The following STMN3 variants were observed in gnomAD, a reference collection of about 807,000 sequenced individuals.
The protein encoded by STMN3 is stathmin-3.
Under a neutral mutation model 23.2 loss-of-function variants are expected in STMN3, and 24 were observed. That is an observed-to-expected ratio of 1.03 (90% CI 0.75 to 1.45). STMN3 has a LOEUF of 1.45. Ranked by LOEUF, STMN3 falls within the 40% of genes most tolerant of loss-of-function variation. STMN3 has a pLI of 0.00. For missense variants in STMN3, 235 were observed against 237.6 expected (o/e 0.99, Z 0.07); for synonymous variants, 117 against 103.4 (o/e 1.13, Z -0.80).
intron 4 of STMN3, 60 bp from the exon 5 acceptor site, chr20:63,641,457 C>G: frequency 7.0e-7 from 1 of 1,433,670 alleles, no homozygotes; most frequent in Non-Finnish European, 9.5e-7. Context: ...ACTCCGGGAA[C>G]CCCCAGGCGC....
Position 63,644,202 on chromosome 20 carries a change from C to A in STMN3, c.115+12G>T. On this transcript the variant is annotated intron_variant, in intron 2 of 4. Coordinates refer to ENST00000370053, the MANE Select transcript of STMN3 (RefSeq NM_015894.4). ...CACCGCAGGGAAGGGCAGGCGGCAG[C>A]CAGGCACTCACCCCCGTACTGGTAG... 6.2e-7 allele frequency: 1 copy of A among 1,611,136 alleles called. No homozygotes were observed. The highest frequency in any genetic ancestry group is 8.5e-7 in the Non-Finnish European group (1 of 1,178,082).
intron 1 of STMN3, among the ~76,000 whole-genome samples, chr20:63,644,619 C>T (rs572369394): frequency 5.1e-4 from 77 of 152,194 alleles, no homozygotes; most frequent in Non-Finnish European, 9.6e-4. Flanking sequence ...CCATCCTTCT[C>T]CTGCCTGCTG....
At position 63,641,335 on chromosome 20, in the gene STMN3, C is replaced by A; in HGVS notation, c.*3G>T. The A allele has an allele frequency of 2.6e-6, 4 of 1,563,200 alleles. No individual in the cohort carries two copies. Among genetic ancestry groups the A allele is most frequent in the Non-Finnish European group, 3.5e-6 (4 of 1,154,676 alleles). On this transcript the variant is annotated 3_prime_UTR_variant, in exon 5 of 5. Coordinates refer to ENST00000370053, the MANE Select transcript of STMN3 (RefSeq NM_015894.4). Reference sequence around the variant, plus strand: ...CAGGATGGGCGCCGCCCGTCCCGGGCCCTTAGCCCGACATCTCTTCTCGCT... The same window carrying A: ...CAGGATGGGCGCCGCCCGTCCCGGGACCTTAGCCCGACATCTCTTCTCGCT...
At chr20:63,642,074 C>A (rs1202719217) in intron 4 of STMN3, 34 bp downstream of exon 4, 1 of 1,343,806 alleles carries the variant, frequency 7.4e-7, no homozygotes, top group African/African-American at 1.7e-5. Flanking sequence ...GGCCCCTGCC[C>A]GCTCCGAGCT....
intron 1 of STMN3, among the ~76,000 whole-genome samples, chr20:63,647,846 A>G (rs1195432229): frequency 7.9e-6 from 1 of 126,350 alleles, no homozygotes; most frequent in East Asian, 2.1e-4. Flanking sequence ...ATATGTATAT[A>G]TTAATATATA....
intron 4 of STMN3, among the ~76,000 whole-genome samples, 185 bp downstream of exon 4, chr20:63,641,923 G>A (rs1399709681): frequency 7.4e-4 from 65 of 87,652 alleles, no homozygotes; most frequent in South Asian, 7.2e-4. Context: ...TCCGAGCTCC[G>A]CCCCGGCCCC....
In STMN3 at chr20:63,640,801, G is replaced by C; in HGVS notation, c.*537C>G. ...TGCAACCACATTAAGGAAAGCTGCA[G>C]CCCCCACCCACCCGCCTGCCAGTTC... On this transcript the variant is annotated 3_prime_UTR_variant, in exon 5 of 5. Transcript: ENST00000370053. 1 of 213,420 alleles carries C rather than the reference G, an allele frequency of 4.7e-6. No homozygotes were observed. The highest frequency in any genetic ancestry group is 9.7e-6 in the Non-Finnish European group (1 of 103,500). 13.2% of individuals were successfully genotyped at this position (213,420 alleles called of 1,614,324 possible). A position where few individuals can be genotyped will look rare whatever the true frequency, so the allele number is the denominator to read the frequency against.
In STMN3 at chr20:63,653,331, A is replaced by T. The variant is rs1015465646; in HGVS notation, c.15T>A (p.Ile5=). 5.2e-6 allele frequency: 8 copies of T among 1,545,230 alleles called. No homozygotes were observed. The African/African-American group carries it at 1.1e-4, about 21-fold the overall frequency. Residue 5 remains isoleucine (I), a synonymous_variant, in exon 1 of 5, where the codon ATT becomes ATA. Transcript: ENST00000370053. Reference sequence around the variant, plus strand: ...GCCCGTGGCCCCGGAGCCTACCGGAAATGGTGCTGGCCATGGTGCTGGCGG... The same window carrying T: ...GCCCGTGGCCCCGGAGCCTACCGGATATGGTGCTGGCCATGGTGCTGGCGG... The part of the protein sequence containing the change: MAST[I]SAYKEKMKEL...
intron 1 of STMN3, among the ~76,000 whole-genome samples, chr20:63,647,684 C>CATGTATATATATAATATATATAT (rs1374989065): frequency 1.1e-5 from 1 of 88,964 alleles, no homozygotes; most frequent in Non-Finnish European, 2.6e-5. Flanking sequence ...CGTATATATA[C>CATGTATATATATAATATATATAT]ACGTGTATAT....
intron 1 of STMN3, among the ~76,000 whole-genome samples, chr20:63,646,169 T>G (rs1383312765): frequency 1.3e-5 from 2 of 151,138 alleles, no homozygotes; most frequent in Non-Finnish European, 2.9e-5. Context: ...CCCAAGAGGG[T>G]GTAAGGAGGA....
Position 63,644,251 on chromosome 20 carries a change from G to A in STMN3, c.78C>T (p.Tyr26=). 6.2e-7 allele frequency: 1 copy of A among 1,613,734 alleles called. No individual in the cohort carries two copies. The highest frequency in any genetic ancestry group is 8.5e-7 in the Non-Finnish European group (1 of 1,179,848). ...AGACGGTATTGGGGTGCGGCTGTGT[G>A]TAGAAGCAGGAGCAGATGAGCGACA... ...SVLSLICSCF[Y]TQPHPNTVYQ... The change falls in exon 2 of 5, where the codon TAC becomes TAT. Residue 26 remains tyrosine (Y), a synonymous_variant. Coordinates refer to ENST00000370053, the MANE Select transcript of STMN3 (RefSeq NM_015894.4).
intron 3 of STMN3, among the ~76,000 whole-genome samples, chr20:63,642,912 C>A (rs2089780374): frequency 6.6e-6 from 1 of 152,168 alleles, no homozygotes; most frequent in Non-Finnish European, 1.5e-5. Flanking sequence ...GGAACGGAGC[C>A]GCTTCCCCTG....
chr20:63,651,634 C>G (rs1251496487), intron 1 of STMN3, among the ~76,000 whole-genome samples: 2 of 152,242 alleles, frequency 1.3e-5, no homozygotes, highest in East Asian at 1.9e-4. Context: ...GAGCACTCAT[C>G]TCTTAGCAGG....
Position 63,641,382 on chromosome 20 carries a change from C to T in STMN3, c.499G>A (p.Glu167Lys). The T allele has an allele frequency of 6.4e-7, 1 of 1,566,994 alleles. No homozygotes were observed. Among genetic ancestry groups the T allele is most frequent in the African/African-American group, 1.4e-5 (1 of 73,952 alleles). ...CGCTGCTCCTTGTTCCTGCGCACCT[C>T]GGCCGCGTGCAGCTCCTGCAGGACA... is the stretch of plus-strand genomic sequence containing the variant. Reference protein sequence around the residue: ...RLREKELHAAEVRRNKEQREE... With the variant: ...RLREKELHAAKVRRNKEQREE... The change falls in exon 5 of 5, where the codon GAG (glutamate) becomes AAG (lysine). Residue 167 changes from glutamate (E) to lysine (K), a missense_variant. Physicochemically the swap from Glu to Lys is moderately conservative, Grantham distance 56. Coordinates refer to ENST00000370053, the MANE Select transcript of STMN3 (RefSeq NM_015894.4).
At chr20:63,646,595 C>T (rs1004956980) in intron 1 of STMN3, among the ~76,000 whole-genome samples, 4 of 151,650 alleles carry the variant, frequency 2.6e-5, no homozygotes, top group African/African-American at 7.3e-5. Flanking sequence ...CCTCGTGATC[C>T]GCCCGCCTCG....
Position 63,642,101 on chromosome 20 carries a change from C to T in STMN3, c.483+7G>A, listed in dbSNP as rs920376044. On this transcript the variant is annotated splice_region_variant and intron_variant, in intron 4 of 4. Transcript: ENST00000370053. ...CTCCGAGCTCCGCCCCGGCCCCGCC[C>T]CCGCACCTTCTCGCGCAGCCGCTCG... 2.7e-6 allele frequency: 4 copies of T among 1,502,684 alleles called. No homozygotes were observed. Among genetic ancestry groups the T allele is most frequent in the Non-Finnish European group, 3.5e-6 (4 of 1,127,126 alleles). The allele number at this position is 1,502,684 out of a possible 1,614,324, so 93.1% of individuals were successfully genotyped here. A position where few individuals can be genotyped will look rare whatever the true frequency, so the allele number is the denominator to read the frequency against.
intron 1 of STMN3, among the ~76,000 whole-genome samples, chr20:63,644,544 C>T (rs1360202489): frequency 1.3e-5 from 2 of 152,206 alleles, no homozygotes; most frequent in African/African-American, 4.8e-5. Context: ...CGCCCTCTGC[C>T]TCTCCCCGCT....
At chr20:63,647,854 A>ATACAC (rs2146119556) in intron 1 of STMN3, among the ~76,000 whole-genome samples, 1 of 127,470 alleles carries the variant, frequency 7.8e-6, no homozygotes, top group Admixed American at 8.4e-5. Context: ...ATATTAATAT[A>ATACAC]TATACGTATA....
rs746710304 is a variant in STMN3, at chr20:63,645,963, GAA to G, written c.20-1656_20-1655del. ...GTGAGACTCCGTCTCAAAACAGAAA[GAA>G]AAAGAGAGAGAGGAAGAAAGGAAGG... On this transcript the variant is annotated intron_variant, in intron 1 of 4. Transcript: ENST00000370053. Among the ~76,000 whole-genome samples the G allele has an allele frequency of 5.5e-4, 84 of 151,754 alleles. 1 individual carries two copies. The highest frequency in any genetic ancestry group is 1.0e-4 in the Non-Finnish European group (7 of 67,974).
Sources: allele counts gnomAD v4.1 joint callset (sites outside exome capture counted in the v4.1 genomes callset), GRCh38; gene constraint gnomAD v4.1.1; transcripts MANE v1.5; gene names NCBI Gene and HGNC (gene_info 2026-07-23, HGNC 2026-07-21).